The following MSRB3 variants were observed in gnomAD, a reference collection of about 807,000 sequenced individuals.
MSRB3 encodes the protein methionine sulfoxide reductase B3.
MSRB3 carries 13 observed loss-of-function variants against 21.0 expected under a neutral mutation model. The ratio of observed to expected loss-of-function variants is 0.62; its 90% CI spans 0.40 to 0.98. The LOEUF (loss-of-function observed/expected upper bound fraction) is 0.98. Among genes scored for constraint, MSRB3 ranks in the 50% least tolerant of loss-of-function variants. The pLI is 0.00. For synonymous variants in MSRB3, 87 were observed against 88.6 expected (o/e 0.98, Z 0.10); for missense variants, 199 against 230.3 (o/e 0.86, Z 0.88).
rs992083526 is a variant in MSRB3 at position 65,465,850 on chromosome 12, G to A, written c.*2528G>A. 1.3e-5 allele frequency: 2 copies of A among 152,212 alleles called. No homozygotes were observed. Among genetic ancestry groups the A allele is most frequent in the Non-Finnish European group, 2.9e-5 (2 of 68,096 alleles). The allele number at this position is 152,212 out of a possible 1,614,324, so 9.4% of individuals were successfully genotyped here. ...ACAGAGAAAGCCCTAGTATTTCCCA[G>A]TGACCCCAGGATTCCACGTTGGGGT... On this transcript the variant is annotated 3_prime_UTR_variant, in exon 7 of 7. Coordinates refer to ENST00000308259, the MANE Select transcript of MSRB3 (RefSeq NM_001031679.3).
intron 6 of MSRB3, among the ~76,000 whole-genome samples, chr12:65,460,393 C>A (rs1262457683): frequency 1.4e-5 from 2 of 141,512 alleles, no homozygotes; most frequent in African/African-American, 5.8e-5. Flanking sequence ...GGGTAACAGT[C>A]CTTTCTGGGA....
At chr12:65,316,495 T>C (rs1004561955) in intron 2 of MSRB3, among the ~76,000 whole-genome samples, 3 of 152,194 alleles carry the variant, frequency 2.0e-5, no homozygotes, top group African/African-American at 7.2e-5. Flanking sequence ...GAAATTTTTG[T>C]CTGTTTAGTT....
intron 6 of MSRB3, among the ~76,000 whole-genome samples, chr12:65,454,985 G>T (rs565273969): frequency 6.6e-6 from 1 of 152,298 alleles, no homozygotes; most frequent in South Asian, 2.1e-4. Context: ...TTGTGGCATT[G>T]AAAGTTATTG....
At chr12:65,288,201 G>A (rs1872493125) in intron 1 of MSRB3, among the ~76,000 whole-genome samples, 1 of 151,654 alleles carries the variant, frequency 6.6e-6, no homozygotes, top group African/African-American at 2.4e-5. Context: ...TACTCAGGAG[G>A]CTGAGGCAGG....
At chr12:65,294,156 A>G (rs1202078951) in intron 1 of MSRB3, among the ~76,000 whole-genome samples, 1 of 152,194 alleles carries the variant, frequency 6.6e-6, no homozygotes, top group Non-Finnish European at 1.5e-5. Flanking sequence ...AAATCTAGGC[A>G]TGAGCATTGC....
At chr12:65,419,700 C>T in intron 5 of MSRB3, 1 of 775,482 alleles carries the variant, frequency 1.3e-6, no homozygotes, top group Non-Finnish European at 2.3e-6. Context: ...TACTCTCCAC[C>T]TTCCAGTTCT....
chr12:65,462,540 G>T lies in MSRB3; in HGVS notation c.391-615G>T, dbSNP rs538644062. 3.3e-5 allele frequency among the ~76,000 whole-genome samples: 5 copies of T among 152,294 alleles called. No individual in the cohort carries two copies. In the South Asian group the frequency reaches 1.0e-3, roughly 32 times the overall value. ...TAAAGAAGCCAGCATGACACTACTT[G>T]TTGGAAGCCAGGAAAAAAACAATTG... On this transcript the variant is annotated intron_variant, in intron 6 of 6. Coordinates refer to ENST00000308259, the MANE Select transcript of MSRB3 (RefSeq NM_001031679.3).
chr12:65,418,507 T>C (rs1205524735), intron 5 of MSRB3, among the ~76,000 whole-genome samples: 1 of 152,174 alleles, frequency 6.6e-6, no homozygotes. Context: ...TATAATGCTA[T>C]CTATTTTTGC....
At chr12:65,283,431 G>T (rs1592484709) in intron 1 of MSRB3, among the ~76,000 whole-genome samples, 2 of 151,366 alleles carry the variant, frequency 1.3e-5, no homozygotes, top group African/African-American at 2.4e-5. Context: ...GAATCACCTA[G>T]AATTTTTTTT....
intron 2 of MSRB3, among the ~76,000 whole-genome samples, chr12:65,310,782 A>G (rs1873939924): frequency 6.6e-6 from 1 of 152,248 alleles, no homozygotes; most frequent in Non-Finnish European, 1.5e-5. Context: ...ATTATGGTAC[A>G]GTGCTTAAGC....
At chr12:65,352,835 A>C (rs1877111099) in intron 4 of MSRB3, among the ~76,000 whole-genome samples, 2 of 151,356 alleles carry the variant, frequency 1.3e-5, no homozygotes, top group African/African-American at 4.9e-5. Flanking sequence ...AAATGGAAGA[A>C]CATTCCATGC....
intron 5 of MSRB3, among the ~76,000 whole-genome samples, chr12:65,442,562 G>A (rs1168488716): frequency 1.3e-5 from 2 of 151,992 alleles, no homozygotes; most frequent in East Asian, 1.9e-4. Flanking sequence ...TCTTTGCTCA[G>A]CAAGCAACCC....
At chr12:65,292,531 A>G (rs1872723362) in intron 1 of MSRB3, among the ~76,000 whole-genome samples, 1 of 152,000 alleles carries the variant, frequency 6.6e-6, no homozygotes, top group African/African-American at 2.4e-5. Flanking sequence ...CTTCTTTGCT[A>G]GTTCTTTCTC....
intron 4 of MSRB3, among the ~76,000 whole-genome samples, chr12:65,340,637 T>G (rs1389618147): frequency 1.3e-5 from 2 of 152,036 alleles, no homozygotes; most frequent in African/African-American, 4.8e-5. Flanking sequence ...TTAAATAAAT[T>G]CTAGAGGTTG....
chr12:65,461,511 G>A (rs1224886433), intron 6 of MSRB3, among the ~76,000 whole-genome samples: 1 of 152,188 alleles, frequency 6.6e-6, no homozygotes, highest in Non-Finnish European at 1.5e-5. Context: ...TGCTGGCAGT[G>A]AAATGAGAAT....
chr12:65,341,049 A>T (rs1266604033), intron 4 of MSRB3, among the ~76,000 whole-genome samples: 1 of 152,126 alleles, frequency 6.6e-6, no homozygotes, highest in East Asian at 1.9e-4. Context: ...TCTGATAAAA[A>T]GATATTCAAT....
At position 65,463,629 on chromosome 12, in the gene MSRB3, A is replaced by G; in HGVS notation, c.*307A>G. On this transcript the variant is annotated 3_prime_UTR_variant, in exon 7 of 7. Coordinates refer to ENST00000308259, the MANE Select transcript of MSRB3 (RefSeq NM_001031679.3). ...TTCTTTTGCAGTTTTTCCCCCTTTG[A>G]TTCAGAAGCAGAGGGTTCATGGTCT... is the stretch of plus-strand genomic sequence containing the variant. 2.7e-5 allele frequency: 10 copies of G among 366,458 alleles called. No individual in the cohort carries two copies. Among genetic ancestry groups the G allele is most frequent in the South Asian group, 2.4e-4 (10 of 41,478 alleles). 22.7% of individuals were successfully genotyped at this position (366,458 alleles called of 1,614,324 possible).
In MSRB3 at chr12:65,346,306, G is replaced by C. The variant is rs532385756; in HGVS notation, c.263+17703G>C. ...CTGGTGTGAGATGGTATCTCACTGT[G>C]GTTTTGATTTGCATTTCTCTGATGG... On this transcript the variant is annotated intron_variant, in intron 4 of 6. Coordinates refer to ENST00000308259, the MANE Select transcript of MSRB3 (RefSeq NM_001031679.3). Among the ~76,000 whole-genome samples, 1,158 of 152,220 alleles carry C rather than the reference G, an allele frequency of 7.6e-3. 16 individuals are homozygous for C. The highest frequency in any genetic ancestry group is 0.026 in the African/African-American group (1,082 of 41,530).
intron 2 of MSRB3, among the ~76,000 whole-genome samples, chr12:65,313,181 C>CT (rs1339554271): frequency 6.6e-6 from 1 of 152,024 alleles, no homozygotes; most frequent in Non-Finnish European, 1.5e-5. Flanking sequence ...AACTCTGGCC[C>CT]TTTTGATCAC....
Sources: gnomAD v4.1 joint callset for allele counts (sites outside exome capture counted in the v4.1 genomes callset) on GRCh38, gnomAD v4.1.1 for gene constraint, MANE v1.5 for transcripts, NCBI Gene and HGNC (gene_info 2026-07-23, HGNC 2026-07-21) for gene names.